Variants in CACNA1E observed in about 807,000 individuals in gnomAD.
CACNA1E encodes the protein voltage-dependent R-type calcium channel subunit alpha-1E.
CACNA1E carries 40 observed loss-of-function variants against 259.2 expected under a neutral mutation model. The observed-to-expected ratio is 0.15, with a 90% CI of 0.12 to 0.20. The LOEUF is 0.20. Among genes scored for constraint, CACNA1E ranks in the 10% least tolerant of loss-of-function variants. The pLI, the probability that CACNA1E is intolerant of heterozygous loss-of-function variation, is 1.00. For missense variants in CACNA1E, 1,874 were observed against 3,040.1 expected, an observed-to-expected ratio of 0.62 and a Z score of 9.02; for synonymous variants, 1,104 against 1,138.5, an observed-to-expected ratio of 0.97 and a Z score of 0.61.
intron 2 of CACNA1E, among the ~76,000 whole-genome samples, chr1:181,471,840 G>T (rs192907559): frequency 3.9e-5 from 6 of 152,200 alleles, no homozygotes; most frequent in Admixed American, 2.0e-4. Context: ...TGTTTACAAA[G>T]AATTTTCATA....
intron 6 of CACNA1E, among the ~76,000 whole-genome samples, chr1:181,618,905 C>T (rs199966): frequency 0.96 from 146,476 of 152,292 alleles, 70,660 homozygotes; most frequent in East Asian, 1. Flanking sequence ...TTAATCTGGC[C>T]CTAAAGTACT....
intron 43 of CACNA1E, 46 bp downstream of exon 43, chr1:181,785,865 C>T: frequency 2.3e-6 from 3 of 1,290,704 alleles, no homozygotes; most frequent in Non-Finnish European, 3.3e-6. Context: ...TGCAATCTGT[C>T]ACCCATGCTG....
At chr1:181,706,294 T>A (rs1652792342) in intron 7 of CACNA1E, among the ~76,000 whole-genome samples, 1 of 152,118 alleles carries the variant, frequency 6.6e-6, no homozygotes, top group Admixed American at 6.5e-5. Flanking sequence ...ATCATCCGAA[T>A]CACCCCAGGA....
At chr1:181,566,932 G>T (rs887679476) in intron 3 of CACNA1E, among the ~76,000 whole-genome samples, 5 of 151,956 alleles carry the variant, frequency 3.3e-5, no homozygotes, top group African/African-American at 1.2e-4. Context: ...TGGCAGGAGG[G>T]GTTGCCACAG....
chr1:181,784,596 C>G (rs1660705253), intron 40 of CACNA1E, 65 bp from the exon 41 acceptor site: 2 of 1,109,680 alleles, frequency 1.8e-6, no homozygotes, highest in Non-Finnish European at 2.6e-6. Context: ...CCTACCTTCA[C>G]CTCCTCCCTC....
chr1:181,434,873 G>A (rs1423367511), intron 2 of CACNA1E, among the ~76,000 whole-genome samples: 6 of 152,194 alleles, frequency 3.9e-5, no homozygotes, highest in Admixed American at 3.9e-4. Context: ...TCAGTGGTGT[G>A]CTGGAGCGGG....
At chr1:181,387,679 T>C (rs1417390316) in intron 1 of CACNA1E, among the ~76,000 whole-genome samples, 1 of 152,188 alleles carries the variant, frequency 6.6e-6, no homozygotes, top group Admixed American at 6.5e-5. Context: ...ACTGGAGACG[T>C]GGTAATTTTA....
At chr1:181,718,657 CA>C (rs1558302817) in intron 12 of CACNA1E, among the ~76,000 whole-genome samples, 80 of 150,980 alleles carry the variant, frequency 5.3e-4, no homozygotes, top group Non-Finnish European at 9.8e-4. Context: ...CACACACACA[CA>C]CACACACACC....
intron 1 of CACNA1E, among the ~76,000 whole-genome samples, chr1:181,403,526 G>A (rs1369885166): frequency 6.6e-6 from 1 of 151,906 alleles, no homozygotes; most frequent in East Asian, 1.9e-4. Context: ...TTAGAATACT[G>A]ACCAAGAATT....
chr1:181,458,855 A>G (rs907632576), intron 2 of CACNA1E, among the ~76,000 whole-genome samples: 1 of 152,074 alleles, frequency 6.6e-6, no homozygotes, highest in African/African-American at 2.4e-5. Context: ...CCATCCATCC[A>G]TCCATCCATC....
At position 181,802,529 on chromosome 1, in the gene CACNA1E, C is replaced by T. The variant is rs1291562709; in HGVS notation, c.*3695C>T. 1.3e-5 allele frequency: 2 copies of T among 152,220 alleles called. No individual in the cohort carries two copies. Among genetic ancestry groups the T allele is most frequent in the East Asian group, 1.9e-4 (1 of 5,192 alleles). 9.4% of individuals were successfully genotyped at this position (152,220 alleles called of 1,614,324 possible). A position where few individuals can be genotyped will look rare whatever the true frequency, so the allele number is the denominator to read the frequency against. ...TTGCTGCATGTTAGCGCTGATCCAG[C>T]TCCTGAGATGGTTAATTCCACCCAA... is the stretch of plus-strand genomic sequence containing the variant. On this transcript the variant is annotated 3_prime_UTR_variant, in exon 48 of 48. Coordinates refer to ENST00000367573, the MANE Select transcript of CACNA1E (RefSeq NM_001205293.3).
chr1:181,796,683 C>A lies in CACNA1E; in HGVS notation c.6224C>A (p.Thr2075Asn). ...LNSDSGHKSDTHRSGGRERGR... is the reference protein window; with the variant it reads ...LNSDSGHKSDNHRSGGRERGR... ...CCTCTCACAGGCCACAAGTCTGACACTCACCGCTCAGGGGGCAGGGAGCGG... is the reference window on the plus strand; with the variant it reads ...CCTCTCACAGGCCACAAGTCTGACAATCACCGCTCAGGGGGCAGGGAGCGG... The change falls in exon 47 of 48, where the codon ACT (threonine) becomes AAT (asparagine). Residue 2075 changes from threonine (T) to asparagine (N), a missense_variant. Around this residue, in one of 14 missense-constraint regions of CACNA1E, gnomAD observed 542 missense variants for 587.2 expected, o/e 0.92. Transcript: ENST00000367573. 6.3e-7 allele frequency: 1 copy of A among 1,599,324 alleles called. No homozygotes were observed. The highest frequency in any genetic ancestry group is 8.5e-7 in the Non-Finnish European group (1 of 1,169,878).
intron 6 of CACNA1E, among the ~76,000 whole-genome samples, chr1:181,583,819 CT>C (rs1206245115): frequency 1.3e-5 from 2 of 152,122 alleles, no homozygotes; most frequent in African/African-American, 4.8e-5. Flanking sequence ...GCTTCCCTCC[CT>C]CCTCTGGTGG....
intron 6 of CACNA1E, among the ~76,000 whole-genome samples, chr1:181,622,698 G>C (rs957221851): frequency 3.9e-5 from 6 of 152,144 alleles, no homozygotes; most frequent in Non-Finnish European, 8.8e-5. Flanking sequence ...TATGGCCTTG[G>C]GGTGAATTTT....
At chr1:181,514,259 A>T (rs973784286) in intron 3 of CACNA1E, among the ~76,000 whole-genome samples, 5 of 152,200 alleles carry the variant, frequency 3.3e-5, no homozygotes, top group African/African-American at 1.2e-4. Flanking sequence ...AGTTTAATTG[A>T]CAGCATGTTT....
intron 5 of CACNA1E, 75 bp from the exon 6 acceptor site, chr1:181,580,520 T>A (rs1175131658): frequency 1.4e-6 from 2 of 1,438,162 alleles, no homozygotes; most frequent in African/African-American, 2.8e-5. Context: ...TGCTTGCCTA[T>A]GGCTTCCTGG....
In CACNA1E at chr1:181,557,157, G is replaced by C. The variant is rs865831088; in HGVS notation, c.513-20609G>C. On this transcript the variant is annotated intron_variant, in intron 3 of 47. Coordinates refer to ENST00000367573, the MANE Select transcript of CACNA1E (RefSeq NM_001205293.3). ...CCACCACCTTCCTCCCTGTCACCTG[G>C]GTGCTGGCTTCTGGAAGGCTCAGCC... Among the ~76,000 whole-genome samples the C allele has an allele frequency of 3.3e-5, 5 of 152,268 alleles. No individual in the cohort carries two copies. The Middle Eastern group carries it at 0.017, about 518-fold the overall frequency.
chr1:181,626,617 C>T lies in CACNA1E; in HGVS notation c.952-24721C>T, dbSNP rs144874489. 9.9e-4 allele frequency among the ~76,000 whole-genome samples: 150 copies of T among 152,250 alleles called. 3 individuals carry two copies. The South Asian group carries it at 0.02, about 21-fold the overall frequency. On this transcript the variant is annotated intron_variant, in intron 6 of 47. Coordinates refer to ENST00000367573, the MANE Select transcript of CACNA1E (RefSeq NM_001205293.3). ...ATTCTGAGACCATGTCCAAACCCATCTATGAAAAGTACCTGGAATTGTTAG... is the reference window on the plus strand; with the variant it reads ...ATTCTGAGACCATGTCCAAACCCATTTATGAAAAGTACCTGGAATTGTTAG...
intron 2 of CACNA1E, among the ~76,000 whole-genome samples, chr1:181,448,614 T>C (rs1387618798): frequency 6.6e-6 from 1 of 152,254 alleles, no homozygotes; most frequent in Non-Finnish European, 1.5e-5. Flanking sequence ...TCATTTCCCC[T>C]ACTCCAGCCT....
Sources: allele counts gnomAD v4.1 joint callset (sites outside exome capture counted in the v4.1 genomes callset), GRCh38; gene constraint gnomAD v4.1.1; regional missense constraint gnomAD v4.1.1; transcripts MANE v1.5; gene names NCBI Gene and HGNC (gene_info 2026-07-23, HGNC 2026-07-21).